The following ERC2 variants were observed in gnomAD, a reference collection of about 807,000 sequenced individuals.
The protein encoded by ERC2 is ELKS/RAB6-interacting/CAST family member 2.
ERC2 carries 42 observed loss-of-function variants against 114.8 expected under a neutral mutation model. That is an observed-to-expected ratio of 0.37 (90% CI 0.29 to 0.47). ERC2 has a LOEUF of 0.47. Ranked by LOEUF, ERC2 falls within the 20% of genes least tolerant of loss-of-function variation. The pLI is 0.99. For missense variants in ERC2, 939 were observed against 1,150.7 expected (o/e 0.82, Z 2.66); for synonymous variants, 454 against 425.5 (o/e 1.07, Z -0.82).
intron 4 of ERC2, among the ~76,000 whole-genome samples, chr3:56,162,546 C>A (rs1048860413): frequency 1.6e-4 from 25 of 152,190 alleles, no homozygotes; most frequent in African/African-American, 5.8e-4. Flanking sequence ...GTTACTTATT[C>A]AATTTTAGAA....
At chr3:55,518,209 A>G (rs1172373831) in intron 17 of ERC2, among the ~76,000 whole-genome samples, 1 of 152,200 alleles carries the variant, frequency 6.6e-6, no homozygotes, top group Admixed American at 6.5e-5. Context: ...GTTACTGTAC[A>G]CAATTGGTTG....
intron 2 of ERC2, among the ~76,000 whole-genome samples, chr3:56,327,913 T>C (rs2057437719): frequency 6.6e-6 from 1 of 152,192 alleles, no homozygotes; most frequent in Non-Finnish European, 1.5e-5. Flanking sequence ...CTTCACAAAC[T>C]ACATGTGGTT....
intron 14 of ERC2, among the ~76,000 whole-genome samples, chr3:55,751,872 T>C (rs2066726589): frequency 6.6e-6 from 1 of 152,166 alleles, no homozygotes; most frequent in Non-Finnish European, 1.5e-5. Flanking sequence ...GTTGGGTTTA[T>C]TTGGATTGCA....
chr3:56,393,027 T>A (rs2106860837), intron 2 of ERC2, among the ~76,000 whole-genome samples: 1 of 152,288 alleles, frequency 6.6e-6, no homozygotes, highest in Admixed American at 6.5e-5. Flanking sequence ...CATCTGCTAT[T>A]CCCTTAGCCT....
chr3:55,575,548 A>G (rs955184427), intron 17 of ERC2, among the ~76,000 whole-genome samples: 9 of 152,136 alleles, frequency 5.9e-5, no homozygotes, highest in Non-Finnish European at 1.5e-5. Flanking sequence ...GGGCTCTTAT[A>G]AGAATTCTTT....
chr3:56,435,072 A>C lies in ERC2; in HGVS notation c.-65T>G. On this transcript the variant is annotated 5_prime_UTR_variant, in exon 2 of 18. Transcript: ENST00000288221. ...CTATATTAAGTTGGGGTTTGAGCTA[A>C]TATTTCCACGATTGTCCAGAATTTT... The C allele has an allele frequency of 2.3e-6, 3 of 1,276,854 alleles. No homozygotes were observed. The highest frequency in any genetic ancestry group is 3.2e-6 in the Non-Finnish European group (3 of 938,186). The allele number at this position is 1,276,854 out of a possible 1,614,324, so 79.1% of individuals were successfully genotyped here.
intron 2 of ERC2, among the ~76,000 whole-genome samples, chr3:56,335,524 GA>G (rs1468467479): frequency 1.3e-5 from 2 of 152,154 alleles, no homozygotes; most frequent in Non-Finnish European, 2.9e-5. Flanking sequence ...CTATACATTG[GA>G]ACATTTTGCC....
chr3:55,798,877 G>T (rs558961935), intron 14 of ERC2, among the ~76,000 whole-genome samples: 1 of 105,000 alleles, frequency 9.5e-6, no homozygotes, highest in Non-Finnish European at 1.9e-5. Flanking sequence ...AAGAAAGAAG[G>T]TATGGTAAAC....
chr3:56,404,201 T>G (rs1017027596), intron 2 of ERC2, among the ~76,000 whole-genome samples: 1 of 152,236 alleles, frequency 6.6e-6, no homozygotes, highest in South Asian at 2.1e-4. Context: ...ATCTGTAAGA[T>G]TCTCTCTTGT....
chr3:55,683,253 T>A lies in ERC2; in HGVS notation c.*39+541A>T, dbSNP rs548468028. ...CATTACTATGCCTTGATCCTTGTGTTTTCTTCAGAACTGCCATAGAAGAGA... is the reference window on the plus strand; with the variant it reads ...CATTACTATGCCTTGATCCTTGTGTATTCTTCAGAACTGCCATAGAAGAGA... On this transcript the variant is annotated intron_variant, in intron 17 of 17. Transcript: ENST00000288221. Among the ~76,000 whole-genome samples, 3 of 152,366 alleles carry A rather than the reference T, an allele frequency of 2.0e-5. No individual in the cohort carries two copies. The East Asian group carries it at 5.8e-4, about 29-fold the overall frequency.
At chr3:56,128,890 G>T (rs1218230484) in intron 6 of ERC2, among the ~76,000 whole-genome samples, 1 of 152,180 alleles carries the variant, frequency 6.6e-6, no homozygotes, top group Non-Finnish European at 1.5e-5. Context: ...CACAGAATCT[G>T]TCCCGTTTCA....
intron 4 of ERC2, among the ~76,000 whole-genome samples, chr3:56,168,249 T>C (rs1422012822): frequency 6.6e-6 from 1 of 152,216 alleles, no homozygotes; most frequent in Non-Finnish European, 1.5e-5. Context: ...CATCAAGTGC[T>C]GTAGCCCTTA....
At chr3:55,989,919 T>C (rs1217805037) in intron 11 of ERC2, among the ~76,000 whole-genome samples, 1 of 152,194 alleles carries the variant, frequency 6.6e-6, no homozygotes, top group Admixed American at 6.5e-5. Context: ...TCACCACTTC[T>C]CAGAGCAGTG....
chr3:55,594,165 T>C (rs1380310330), intron 17 of ERC2, among the ~76,000 whole-genome samples: 3 of 152,108 alleles, frequency 2.0e-5, no homozygotes, highest in African/African-American at 7.2e-5. Context: ...TACTTATATA[T>C]GCAAATGACT....
intron 2 of ERC2, among the ~76,000 whole-genome samples, chr3:56,303,901 T>C (rs1429884114): frequency 2.6e-5 from 4 of 151,404 alleles, no homozygotes; most frequent in Admixed American, 2.6e-4. Context: ...CCCTCAGGAG[T>C]CCAAAAAATT....
intron 2 of ERC2, among the ~76,000 whole-genome samples, chr3:56,388,816 T>C (rs1367564048): frequency 6.6e-6 from 1 of 152,202 alleles, no homozygotes; most frequent in Non-Finnish European, 1.5e-5. Flanking sequence ...TTTTGAACCC[T>C]AACAGCAACT....
At position 55,829,373 on chromosome 3, in the gene ERC2, G is replaced by T. The variant is rs79020182; in HGVS notation, c.2564+59016C>A. Among the ~76,000 whole-genome samples, 92 of 152,210 alleles carry T rather than the reference G, an allele frequency of 6.0e-4. 3 individuals carry two copies. The East Asian group carries it at 0.018, about 29-fold the overall frequency. On this transcript the variant is annotated intron_variant, in intron 14 of 17. Coordinates refer to ENST00000288221, the MANE Select transcript of ERC2 (RefSeq NM_015576.3). ...ATATACAAATTTTTAAAAATTGTTG[G>T]ATATCTCAATAGCAGAATGGAAACG...
chr3:55,543,977 G>A (rs1246458014), intron 17 of ERC2, among the ~76,000 whole-genome samples: 1 of 152,178 alleles, frequency 6.6e-6, no homozygotes, highest in African/African-American at 2.4e-5. Context: ...CGATTCACAG[G>A]AGTCCATCCA....
At chr3:55,921,942 C>G (rs1035982490) in intron 13 of ERC2, among the ~76,000 whole-genome samples, 4 of 152,104 alleles carry the variant, frequency 2.6e-5, no homozygotes, top group African/African-American at 9.7e-5. Context: ...CTCTCTACCT[C>G]TTTGCTCTTG....
Sources: allele counts gnomAD v4.1 joint callset (sites outside exome capture counted in the v4.1 genomes callset), GRCh38; gene constraint gnomAD v4.1.1; transcripts MANE v1.5; gene names NCBI Gene and HGNC (gene_info 2026-07-23, HGNC 2026-07-21).